USP28: variants seen among roughly 807,000 people sequenced by gnomAD.
USP28 encodes ubiquitin carboxyl-terminal hydrolase 28.
USP28 carries 113 observed loss-of-function variants against 145.0 expected under a neutral mutation model. The observed-to-expected ratio is 0.78, with a 90% CI of 0.67 to 0.91. USP28 has a LOEUF of 0.91. Ranked by LOEUF, USP28 falls within the 40% of genes least tolerant of loss-of-function variation. USP28 has a pLI of 0.00. For missense variants in USP28, 1,201 were observed against 1,289.6 expected (o/e 0.93, Z 1.05); for synonymous variants, 447 against 450.9 (o/e 0.99, Z 0.11).
intron 1 of USP28, chr11:113,874,703 C>A (rs1313632811): frequency 8.3e-7 from 1 of 1,207,826 alleles, no homozygotes; most frequent in South Asian, 1.5e-5. Context: ...TTGCCCTCTT[C>A]CCAAGTTTCT....
chr11:113,850,962 A>G (rs771634317), intron 3 of USP28, among the ~76,000 whole-genome samples: 3 of 152,136 alleles, frequency 2.0e-5, no homozygotes, highest in Admixed American at 1.3e-4. Flanking sequence ...TTCATCTACC[A>G]TCTCAAATCT....
At chr11:113,831,872 G>A (rs1288712810) in intron 8 of USP28, 48 bp downstream of exon 8, 1 of 1,562,020 alleles carries the variant, frequency 6.4e-7, no homozygotes, top group Admixed American at 1.7e-5. Context: ...AATTCTCACT[G>A]GCCCACTGTG....
intron 3 of USP28, among the ~76,000 whole-genome samples, chr11:113,851,690 G>A (rs1176875355): frequency 2.0e-5 from 3 of 152,052 alleles, no homozygotes; most frequent in South Asian, 2.1e-4. Flanking sequence ...CAGCTACTCA[G>A]GAGGTTGAGG....
intron 5 of USP28, among the ~76,000 whole-genome samples, chr11:113,839,547 C>A (rs1366285997): frequency 2.6e-5 from 4 of 151,964 alleles, no homozygotes; most frequent in Admixed American, 1.3e-4. Flanking sequence ...ATTGCGCCAT[C>A]TTGTCTCAAA....
rs374740740 is a variant in USP28 at position 113,844,984 on chromosome 11, G to A, written c.269-3216C>T. 4.4e-4 allele frequency among the ~76,000 whole-genome samples: 67 copies of A among 151,780 alleles called. No homozygotes were observed. The Middle Eastern group carries it at 0.024, about 54-fold the overall frequency. ...TAAAAATAAAAAATATCTGGGCATGGTGGTGTGAGCCCATAGTCCCAGGTA... is the reference window on the plus strand; with the variant it reads ...TAAAAATAAAAAATATCTGGGCATGATGGTGTGAGCCCATAGTCCCAGGTA... On this transcript the variant is annotated intron_variant, in intron 3 of 24. Coordinates refer to ENST00000003302, the Ensembl canonical transcript of USP28.
At chr11:113,808,981 C>A in intron 17 of USP28, 82 bp downstream of exon 17, 4 of 1,381,624 alleles carry the variant, frequency 2.9e-6, no homozygotes, top group South Asian at 2.8e-5. Flanking sequence ...CATCACCTAG[C>A]CAGCTGAAGG....
intron 1 of USP28, among the ~76,000 whole-genome samples, chr11:113,861,528 GA>G (rs994115801): frequency 3.3e-5 from 5 of 151,460 alleles, no homozygotes; most frequent in South Asian, 2.1e-4. Context: ...TTAAAAACAA[GA>G]AAAAAAAGGA....
At chr11:113,874,012 G>C (rs1413959790) in intron 1 of USP28, among the ~76,000 whole-genome samples, 1 of 151,494 alleles carries the variant, frequency 6.6e-6, no homozygotes, top group Non-Finnish European at 1.5e-5. Flanking sequence ...GTGGTGGCAC[G>C]CGCCTGTAGT....
chr11:113,845,884 G>GATA (rs1945782490), intron 3 of USP28, among the ~76,000 whole-genome samples: 1 of 152,142 alleles, frequency 6.6e-6, no homozygotes, highest in Non-Finnish European at 1.5e-5. Flanking sequence ...CTAAAACAGG[G>GATA]TCTTGTAGAG....
chr11:113,867,195 G>A (rs1030108903), intron 1 of USP28, among the ~76,000 whole-genome samples: 3 of 152,072 alleles, frequency 2.0e-5, no homozygotes, highest in Non-Finnish European at 4.4e-5. Flanking sequence ...TAATGAAAAT[G>A]TTTTAGAACT....
chr11:113,842,472 C>T (rs1945310289), intron 3 of USP28, among the ~76,000 whole-genome samples: 1 of 151,792 alleles, frequency 6.6e-6, no homozygotes, highest in Non-Finnish European at 1.5e-5. Flanking sequence ...GTAGTCCCAG[C>T]TACTCAGGAG....
intron 6 of USP28, 67 bp from the exon 7 acceptor site, chr11:113,833,624 A>C: frequency 6.6e-7 from 1 of 1,521,688 alleles, no homozygotes; most frequent in South Asian, 1.2e-5. Flanking sequence ...TGTAAAGAAA[A>C]AAAAGTTGTC....
chr11:113,808,520 C>T, intron 17 of USP28, 83 bp from the exon 18 acceptor site: 1 of 1,466,934 alleles, frequency 6.8e-7, no homozygotes, highest in Non-Finnish European at 9.3e-7. Context: ...AGAATGTATA[C>T]AGTTTAATAT....
At chr11:113,825,037 G>T (rs1016970728) in intron 11 of USP28, among the ~76,000 whole-genome samples, 2 of 151,576 alleles carry the variant, frequency 1.3e-5, no homozygotes, top group Non-Finnish European at 2.9e-5. Flanking sequence ...CTGACAAGCT[G>T]ATAAAAATTT....
chr11:113,823,213 C>T (rs1445497962), intron 12 of USP28, among the ~76,000 whole-genome samples: 1 of 152,174 alleles, frequency 6.6e-6, no homozygotes, highest in East Asian at 1.9e-4. Context: ...TAGAAAAGCA[C>T]TGTTTTTTAT....
At chr11:113,799,517 G>T in intron 24 of USP28, 102 bp from the exon 26 acceptor site, 1 of 1,310,034 alleles carries the variant, frequency 7.6e-7, no homozygotes, top group Non-Finnish European at 1.0e-6. Context: ...AAAGGTCAAA[G>T]CATTATGCTG....
At chr11:113,851,116 TATA>T (rs2136427413) in intron 3 of USP28, among the ~76,000 whole-genome samples, 1 of 152,166 alleles carries the variant, frequency 6.6e-6, no homozygotes, top group South Asian at 2.1e-4. Context: ...TTAAAAATAA[TATA>T]TGCCGGAATG....
chr11:113,872,195 G>T (rs765046802), intron 1 of USP28, among the ~76,000 whole-genome samples: 5 of 152,238 alleles, frequency 3.3e-5, no homozygotes, highest in Non-Finnish European at 5.9e-5. Context: ...CACATGGAGA[G>T]ATCTCGCCTG....
At chr11:113,812,486 C>T (rs758578852) in exon 16 of USP28, 3 of 1,614,002 alleles carry the variant, frequency 1.9e-6, no homozygotes, top group South Asian at 2.2e-5. Flanking sequence ...ACAAGAACTG[C>T]ATGCAAGCGA....
Sources: allele counts gnomAD v4.1 joint callset (sites outside exome capture counted in the v4.1 genomes callset), GRCh38; gene constraint gnomAD v4.1.1; transcripts MANE v1.5; gene names NCBI Gene and HGNC (gene_info 2026-07-23, HGNC 2026-07-21).